The following ADCY10 variants were observed in gnomAD, a reference collection of about 807,000 sequenced individuals.
ADCY10 encodes adenylate cyclase 10.
A neutral mutation model predicts 183.3 loss-of-function variants in ADCY10; 156 were observed. The observed-to-expected ratio is 0.85, with a 90% CI of 0.75 to 0.97. The LOEUF (loss-of-function observed/expected upper bound fraction) is 0.97. ADCY10 is among the 50% of genes least tolerant of loss of function. The pLI is 0.00. For missense variants in ADCY10, 1,745 were observed against 1,934.3 expected, an observed-to-expected ratio of 0.90 and a Z score of 1.84; for synonymous variants, 645 against 670.0, an observed-to-expected ratio of 0.96 and a Z score of 0.58.
chr1:167,899,364 G>T, intron 6 of ADCY10, 59 bp downstream of exon 6: 2 of 1,544,008 alleles, frequency 1.3e-6, no homozygotes, highest in Admixed American at 3.3e-5. Flanking sequence ...GACTCTTCTG[G>T]CAGGGGGCCT....
chr1:167,854,209 C>A, intron 18 of ADCY10, 144 bp downstream of exon 18: 1 of 993,204 alleles, frequency 1.0e-6, no homozygotes, highest in Non-Finnish European at 1.6e-6. Flanking sequence ...TCTGGAATAT[C>A]GGATCCAATA....
chr1:167,895,771 G>A (rs1261062781), intron 7 of ADCY10, among the ~76,000 whole-genome samples: 1 of 152,188 alleles, frequency 6.6e-6, no homozygotes, highest in Non-Finnish European at 1.5e-5. Flanking sequence ...TTGTGATACA[G>A]TCTTCTCACT....
At chr1:167,863,494 G>C (rs186336732) in intron 14 of ADCY10, among the ~76,000 whole-genome samples, 1 of 152,012 alleles carries the variant, frequency 6.6e-6, no homozygotes, top group Non-Finnish European at 1.5e-5. Flanking sequence ...CTAGCCTGCC[G>C]ATTCTCCCAG....
At chr1:167,817,955 A>T in intron 31 of ADCY10, 117 bp downstream of exon 31, 1 of 1,121,700 alleles carries the variant, frequency 8.9e-7, no homozygotes, top group South Asian at 1.5e-5. Context: ...AAGTGCCTTC[A>T]AAAACTTCTA....
Position 167,880,471 on chromosome 1 carries a change from G to A in ADCY10, c.1139+20C>T. On this transcript the variant is annotated intron_variant, in intron 10 of 32. Transcript: ENST00000367851. ...CAAAAGGGTCAGGGACCGCTGGGTG[G>A]GACCAGGGTCAATACTCACTGGATT... is the stretch of plus-strand genomic sequence containing the variant. 6.4e-7 allele frequency: 1 copy of A among 1,560,360 alleles called. No homozygotes were observed.
intron 16 of ADCY10, among the ~76,000 whole-genome samples, chr1:167,857,530 T>C (rs1322390836): frequency 6.6e-6 from 1 of 152,170 alleles, no homozygotes; most frequent in Non-Finnish European, 1.5e-5. Context: ...TTGAAGAGAA[T>C]AAAGCAGGAA....
chr1:167,820,010 T>G, intron 30 of ADCY10: 1 of 1,548,108 alleles, frequency 6.5e-7, no homozygotes, highest in Non-Finnish European at 8.9e-7. Flanking sequence ...CCTTGGGACT[T>G]TCTTCTTTTT....
At chr1:167,849,345 AT>A (rs1487402062) in intron 18 of ADCY10, among the ~76,000 whole-genome samples, 11 of 152,204 alleles carry the variant, frequency 7.2e-5, no homozygotes, top group African/African-American at 2.6e-4. Context: ...AAAATGCATT[AT>A]TTTTCTATCC....
At chr1:167,820,899 A>G (rs1216199812) in intron 30 of ADCY10, 1 of 152,272 alleles carries the variant, frequency 6.6e-6, no homozygotes, top group South Asian at 2.1e-4. Context: ...CGATCGCACC[A>G]CGGGACTCCA....
chr1:167,839,720 T>G (rs1465710760), intron 21 of ADCY10, among the ~76,000 whole-genome samples: 2 of 152,186 alleles, frequency 1.3e-5, no homozygotes, highest in African/African-American at 4.8e-5. Flanking sequence ...AGAAGAGACA[T>G]GTCTATCTTA....
At chr1:167,873,127 G>A (rs1406474776) in intron 13 of ADCY10, among the ~76,000 whole-genome samples, 1 of 152,072 alleles carries the variant, frequency 6.6e-6, no homozygotes, top group African/African-American at 2.4e-5. Flanking sequence ...GTCATGTTGG[G>A]TCTGCAATCT....
rs767355314 is a variant in ADCY10, at chr1:167,901,821, T to A, written c.293-16A>T. 6.8e-6 allele frequency: 11 copies of A among 1,614,210 alleles called. No individual in the cohort carries two copies. The highest frequency in any genetic ancestry group is 9.3e-6 in the Non-Finnish European group (11 of 1,180,034). ...AGTGCATCACCTTCAGAGAGAGACA[T>A]GCCGCGGGCTTTTGACCTGCCCTGG... On this transcript the variant is annotated splice_polypyrimidine_tract_variant and intron_variant, in intron 4 of 32. Coordinates refer to ENST00000367851, the MANE Select transcript of ADCY10 (RefSeq NM_018417.6).
At chr1:167,879,697 T>TA (rs1667740583) in intron 11 of ADCY10, among the ~76,000 whole-genome samples, 1 of 152,200 alleles carries the variant, frequency 6.6e-6, no homozygotes, top group Non-Finnish European at 1.5e-5. Flanking sequence ...AGGGAAGTAA[T>TA]AGAGTTGTGA....
rs563174729 is a variant in ADCY10 at position 167,863,171 on chromosome 1, C to T, written c.1617-2108G>A. On this transcript the variant is annotated intron_variant, in intron 14 of 32. Coordinates refer to ENST00000367851, the MANE Select transcript of ADCY10 (RefSeq NM_018417.6). ...GTGAAATTAAAGGCAGATAGCCCGG[C>T]GCCTAGGAACCAGACCCGAAACCAG... Among the ~76,000 whole-genome samples the T allele has an allele frequency of 6.6e-5, 10 of 152,296 alleles. No individual in the cohort carries two copies. In the East Asian group the frequency reaches 7.7e-4, roughly 12 times the overall value.
At chr1:167,864,234 G>A (rs982129769) in intron 14 of ADCY10, among the ~76,000 whole-genome samples, 18 of 152,166 alleles carry the variant, frequency 1.2e-4, no homozygotes, top group African/African-American at 3.6e-4. Context: ...TGAGAGTGGT[G>A]TTTTGTCTCG....
chr1:167,813,854 G>T (rs2101830504), intron 31 of ADCY10, among the ~76,000 whole-genome samples: 1 of 152,168 alleles, frequency 6.6e-6, no homozygotes, highest in East Asian at 1.9e-4. Context: ...GTAATTCTGT[G>T]ACATCAACAA....
chr1:167,874,491 AAAGATGAAGAAC>A (rs1359976373), intron 13 of ADCY10, among the ~76,000 whole-genome samples: 1 of 152,240 alleles, frequency 6.6e-6, no homozygotes, highest in Admixed American at 6.5e-5. Context: ...AGTTGTTGCC[AAAGATGAAGAAC>A]AACTGGAACT....
intron 32 of ADCY10, 63 bp downstream of exon 32, chr1:167,810,662 G>A (rs2101820211): frequency 2.0e-6 from 3 of 1,519,994 alleles, no homozygotes; most frequent in Non-Finnish European, 1.8e-6. Flanking sequence ...CAGGCAGTAG[G>A]CTTCTGGGCT....
intron 8 of ADCY10, among the ~76,000 whole-genome samples, chr1:167,884,173 A>G (rs1668061130): frequency 6.6e-6 from 1 of 152,212 alleles, no homozygotes; most frequent in Admixed American, 6.5e-5. Context: ...CCACTGTTAT[A>G]AAGAACTACC....
Sources: gnomAD v4.1 joint callset for allele counts (sites outside exome capture counted in the v4.1 genomes callset) on GRCh38, gnomAD v4.1.1 for gene constraint, MANE v1.5 for transcripts, NCBI Gene and HGNC (gene_info 2026-07-23, HGNC 2026-07-21) for gene names.